The following PFKL variants were observed in gnomAD, a reference collection of about 807,000 sequenced individuals.
PFKL encodes ATP-dependent 6-phosphofructokinase, liver type.
A neutral mutation model predicts 92.1 loss-of-function variants in PFKL; 74 were observed. The observed-to-expected ratio is 0.80, with a 90% CI of 0.67 to 0.97. The LOEUF is 0.97. Ranked by LOEUF, PFKL falls within the 50% of genes least tolerant of loss-of-function variation. PFKL has a pLI of 0.00. For missense variants in PFKL, 1,028 were observed against 1,116.6 expected, an observed-to-expected ratio of 0.92 and a Z score of 1.13; for synonymous variants, 494 against 456.4, an observed-to-expected ratio of 1.08 and a Z score of -1.05.
chr21:44,306,619 GGA>G, intron 1 of PFKL, 60 bp from the exon 2 acceptor site: 1 of 1,459,620 alleles, frequency 6.9e-7, no homozygotes, highest in Non-Finnish European at 9.5e-7. Flanking sequence ...TCTGAGATGG[GGA>G]GGGTGTCCAG....
chr21:44,315,300 C>G (rs1293497257), intron 7 of PFKL: 1 of 152,340 alleles, frequency 6.6e-6, no homozygotes, highest in East Asian at 1.9e-4. Flanking sequence ...GTGAGCAGCT[C>G]AGGCCCTCAC....
At chr21:44,315,365 G>GT (rs1399964239) in intron 7 of PFKL, 2 of 152,504 alleles carry the variant, frequency 1.3e-5, no homozygotes, top group African/African-American at 4.8e-5. Flanking sequence ...CACCACCCAG[G>GT]GTGCACTGGG....
intron 3 of PFKL, among the ~76,000 whole-genome samples, chr21:44,311,371 C>T (rs982869000): frequency 6.6e-6 from 1 of 152,008 alleles, no homozygotes; most frequent in South Asian, 2.1e-4. Context: ...CACAGACACA[C>T]AGACGCGCAC....
Position 44,326,729 on chromosome 21 carries a change from G to C in PFKL, c.2210G>C (p.Arg737Pro). The C allele has an allele frequency of 6.2e-7, 1 of 1,611,906 alleles. No individual in the cohort carries two copies. Among genetic ancestry groups the C allele is most frequent in the Non-Finnish European group, 8.5e-7 (1 of 1,179,476 alleles). ...KDTDFEHRMPREQWWLSLRLM... is the reference protein window; with the variant it reads ...KDTDFEHRMPPEQWWLSLRLM... The stretch of plus-strand genomic sequence containing the variant: ...GTCCTGCACAGGCACCGCATGCCAC[G>C]GGAGCAGTGGTGGCTGAGCCTGCGG... The change falls in exon 22 of 22, where the codon CGG becomes CCG. Residue 737 changes from arginine to proline, a missense_variant. Transcript: ENST00000349048.
In PFKL at chr21:44,303,596, G is replaced by T. The variant is rs568126278; in HGVS notation, c.86-3085G>T. On this transcript the variant is annotated intron_variant, in intron 1 of 21. Coordinates refer to ENST00000349048, the MANE Select transcript of PFKL (RefSeq NM_002626.6). ...TCCCTGGCTGGTGTGTTTGGACGTT[G>T]GTTTCCTGTTATCGCAGGTGAGGAC... Among the ~76,000 whole-genome samples the T allele has an allele frequency of 5.3e-5, 8 of 152,166 alleles. No individual in the cohort carries two copies. In the East Asian group the frequency reaches 1.5e-3, roughly 29 times the overall value.
At chr21:44,315,908 C>T (rs905202250) in intron 7 of PFKL, 29 of 365,216 alleles carry the variant, frequency 7.9e-5, no homozygotes, top group South Asian at 3.4e-4. Context: ...TGCGTCTTCC[C>T]GCCTGGAAGG....
chr21:44,323,079 C>T (rs1312793991), intron 15 of PFKL, 30 bp downstream of exon 15: 1 of 1,565,492 alleles, frequency 6.4e-7, no homozygotes, highest in Non-Finnish European at 8.8e-7. Context: ...GAAAAAGCCC[C>T]AGGGCACAGG....
chr21:44,300,423 C>T (rs1601978810), intron 1 of PFKL, among the ~76,000 whole-genome samples: 1 of 152,092 alleles, frequency 6.6e-6, no homozygotes, highest in Non-Finnish European at 1.5e-5. Context: ...GTCTTGGCGC[C>T]GCCCGCGCCC....
At chr21:44,306,468 C>T (rs959714704) in intron 1 of PFKL, among the ~76,000 whole-genome samples, 1 of 151,760 alleles carries the variant, frequency 6.6e-6, no homozygotes, top group Non-Finnish European at 1.5e-5. Context: ...CCTTCCCTAC[C>T]CCCTGCCCTC....
chr21:44,307,264 A>G (rs770122098), intron 2 of PFKL: 5 of 985,060 alleles, frequency 5.1e-6, no homozygotes, highest in African/African-American at 1.7e-5. Flanking sequence ...CCGCAGGAGC[A>G]GCGGATGCCC....
chr21:44,311,363 CAG>C (rs1205054735), intron 3 of PFKL, among the ~76,000 whole-genome samples: 1 of 151,724 alleles, frequency 6.6e-6, no homozygotes, highest in Non-Finnish European at 1.5e-5. Context: ...GACGTGCACA[CAG>C]ACACACAGAC....
At chr21:44,319,805 G>T in intron 11 of PFKL, 1 of 512,328 alleles carries the variant, frequency 2.0e-6, no homozygotes, top group South Asian at 2.5e-5. Flanking sequence ...GTTCCCATGC[G>T]TGCCTCCACC....
chr21:44,307,559 C>G (rs901554136), intron 2 of PFKL, among the ~76,000 whole-genome samples: 6 of 152,240 alleles, frequency 3.9e-5, no homozygotes, highest in East Asian at 1.9e-4. Flanking sequence ...GCCCCACCCC[C>G]CTCACTGCTC....
intron 2 of PFKL, among the ~76,000 whole-genome samples, chr21:44,308,808 C>T (rs981875049): frequency 3.3e-5 from 5 of 152,048 alleles, no homozygotes; most frequent in Non-Finnish European, 7.4e-5. Flanking sequence ...GTGATCCACC[C>T]GCCTCTGCTT....
chr21:44,310,074 C>G (rs554496727), intron 2 of PFKL, among the ~76,000 whole-genome samples: 4 of 152,352 alleles, frequency 2.6e-5, no homozygotes, highest in Admixed American at 2.6e-4. Flanking sequence ...AATGGCTGCT[C>G]CACTGCCTCA....
chr21:44,321,507 G>A, intron 12 of PFKL: 1 of 406,056 alleles, frequency 2.5e-6, no homozygotes, highest in Non-Finnish European at 4.3e-6. Context: ...CGTGCCAGGG[G>A]GCCAGGCTTG....
In PFKL at chr21:44,320,120, C is replaced by T. The variant is rs775066024; in HGVS notation, c.1164C>T (p.Leu388=). The change falls in exon 12 of 22, where the codon CTC becomes CTT. Residue 388 remains leucine, a synonymous_variant. Coordinates refer to ENST00000349048, the MANE Select transcript of PFKL (RefSeq NM_002626.6). ...FENNWNIYKL[L]AHQKPPKEKS... is the part of the protein sequence containing the mutation. Reference sequence around the variant, plus strand: ...ACAACTGGAACATTTACAAGCTCCTCGCCCACCAGAAGCCCCCCAAGGAGA... The same window carrying T: ...ACAACTGGAACATTTACAAGCTCCTTGCCCACCAGAAGCCCCCCAAGGAGA... The T allele has an allele frequency of 1.4e-5, 22 of 1,613,362 alleles. No homozygotes were observed. Among genetic ancestry groups the T allele is most frequent in the Middle Eastern group, 1.6e-4 (1 of 6,082 alleles).
rs2047536485 is a variant in PFKL, at chr21:44,327,112, G to A, written c.*250G>A. On this transcript the variant is annotated 3_prime_UTR_variant, in exon 22 of 22. Transcript: ENST00000349048. ...GGGGCATCCACCTTCCTGCCCAGGGGACGTGGCGCTGTCGGTGTTTGGAGG... is the reference window on the plus strand; with the variant it reads ...GGGGCATCCACCTTCCTGCCCAGGGAACGTGGCGCTGTCGGTGTTTGGAGG... 1.8e-6 allele frequency: 1 copy of A among 551,280 alleles called. No homozygotes were observed. The highest frequency in any genetic ancestry group is 3.3e-6 in the Non-Finnish European group (1 of 305,980). 34.1% of individuals were successfully genotyped at this position (551,280 alleles called of 1,614,324 possible).
chr21:44,318,482 G>A lies in PFKL; in HGVS notation c.949G>A (p.Gly317Ser). Residue 317 changes from glycine (G) to serine (S), a missense_variant, in exon 10 of 22, where the codon GGC becomes AGC. Gly to Ser is a moderately conservative substitution (Grantham distance 56). Coordinates refer to ENST00000349048, the MANE Select transcript of PFKL (RefSeq NM_002626.6). ...AFDRILSSKM[G>S]MEAVMALLEA... ...CCCTTCCCCACAGAGCAGCAAGATG[G>A]GCATGGAGGCGGTGATGGCGCTGCT... 6.4e-7 allele frequency: 1 copy of A among 1,557,632 alleles called. No homozygotes were observed. The highest frequency in any genetic ancestry group is 1.2e-5 in the South Asian group (1 of 85,682).
Sources: allele counts gnomAD v4.1 joint callset (sites outside exome capture counted in the v4.1 genomes callset), GRCh38; gene constraint gnomAD v4.1.1; transcripts MANE v1.5; gene names NCBI Gene and HGNC (gene_info 2026-07-23, HGNC 2026-07-21).